ASPM: variants seen among roughly 807,000 people sequenced by gnomAD.
ASPM encodes abnormal spindle-like microcephaly-associated protein.
Under a neutral mutation model 366.4 loss-of-function variants are expected in ASPM, and 256 were observed. The observed-to-expected ratio is 0.70, with a 90% CI of 0.63 to 0.77. The LOEUF is 0.77. ASPM is among the 30% of genes least tolerant of loss of function. ASPM has a pLI of 0.00. For missense variants in ASPM, 4,146 were observed against 4,090.4 expected, an observed-to-expected ratio of 1.01 and a Z score of -0.37; for synonymous variants, 1,414 against 1,342.9, an observed-to-expected ratio of 1.05 and a Z score of -1.16.
At chr1:197,106,160 G>A (rs1429117610) in intron 17 of ASPM, among the ~76,000 whole-genome samples, 3 of 151,976 alleles carry the variant, frequency 2.0e-5, no homozygotes, top group Non-Finnish European at 4.4e-5. Context: ...GGAAGCTTAA[G>A]GAGAACATGC....
In ASPM at chr1:197,103,203, T is replaced by C. The variant is rs748691404; in HGVS notation, c.6048A>G (p.Leu2016=). 14 of 1,612,604 alleles carry C rather than the reference T, an allele frequency of 8.7e-6. No homozygotes were observed. Among genetic ancestry groups the C allele is most frequent in the Non-Finnish European group, 1.2e-5 (14 of 1,179,374 alleles). Residue 2016 remains leucine (L), a synonymous_variant, in exon 18 of 28, where the codon TTA becomes TTG. Coordinates refer to ENST00000367409, the MANE Select transcript of ASPM (RefSeq NM_018136.5). ...CTACAGCTGCTTTTGTTTTCAAATA[T>C]AAATGATTCTGTTCTCTTCCAATAC... ...AYSIGREQNH[L]YLKTKAAVVT...
intron 19 of ASPM, 63 bp from the exon 20 acceptor site, chr1:197,094,243 G>T: frequency 1.1e-6 from 1 of 948,032 alleles, no homozygotes; most frequent in Non-Finnish European, 1.7e-6. Context: ...AGTATTTATT[G>T]CCTCCCCCCC....
chr1:197,117,653 G>A (rs1428246834), intron 17 of ASPM, 136 bp downstream of exon 17: 1 of 771,832 alleles, frequency 1.3e-6, no homozygotes, highest in Non-Finnish European at 2.1e-6. Flanking sequence ...TTTTCAGGTA[G>A]TAAATATTTG....
At chr1:197,107,662 C>T (rs1027684496) in intron 17 of ASPM, among the ~76,000 whole-genome samples, 1 of 151,902 alleles carries the variant, frequency 6.6e-6, no homozygotes, top group Non-Finnish European at 1.5e-5. Context: ...AGTAAAAATG[C>T]TACAACAAGT....
chr1:197,114,589 A>C (rs1195401511), intron 17 of ASPM, among the ~76,000 whole-genome samples: 1 of 152,012 alleles, frequency 6.6e-6, no homozygotes, highest in African/African-American at 2.4e-5. Flanking sequence ...ATTTTTTTTT[A>C]AACAGTTAGG....
chr1:197,102,904 A>G lies in ASPM; in HGVS notation c.6347T>C (p.Met2116Thr). The change falls in exon 18 of 28, where the codon ATG becomes ACG. Residue 2116 changes from methionine to threonine, a missense_variant. Physicochemically the swap from Met to Thr is moderately conservative, Grantham distance 81. This residue lies in a region of ASPM where 3,624 missense variants were observed against 3,591.7 expected (regional missense o/e 1.01). Transcript: ENST00000367409. The part of the protein sequence containing the change: ...GIRVRRHIQH[M>T]HRAATFIKAM... ...TTTAATAAAAGTGGCTGCCCTGTGC[A>G]TGTGTTGAATATGTCTTCTAACTCT... 1 of 1,612,750 alleles carries G rather than the reference A, an allele frequency of 6.2e-7. No individual in the cohort carries two copies.
chr1:197,086,814 T>G lies in ASPM; in HGVS notation c.10320A>C (p.Arg3440Ser). ...ATTTAATTGCTTACCTTGAAACTAT[T>G]CTGGTCCTTACAGGTGTTTCTGGGA... ...PFIPETPVRT[R>S]IVSRLKPDWV... Residue 3440 changes from arginine (R) to serine (S), a missense_variant, in exon 27 of 28, where the codon AGA becomes AGC. This residue lies in a region of ASPM where 3,624 missense variants were observed against 3,591.7 expected (regional missense o/e 1.01). Transcript: ENST00000367409. 6.2e-7 allele frequency: 1 copy of G among 1,608,202 alleles called. No individual in the cohort carries two copies. The highest frequency in any genetic ancestry group is 1.1e-5 in the South Asian group (1 of 90,954).
chr1:197,101,060 C>A lies in ASPM; in HGVS notation c.8191G>T (p.Glu2731Ter), dbSNP rs2125093662. The change falls in exon 18 of 28, where the codon GAA (glutamate) becomes TAA (stop). Residue 2731 changes from glutamate to a stop codon, truncating the protein, a stop_gained. Transcript: ENST00000367409. LOFTEE classifies it high-confidence loss of function. ...YYRLYVRVKT[E>*]RKNFLAVQKS... Reference sequence around the variant, plus strand: ...TGAACTGCTAAAAAGTTTTTTCTTTCTGTTTTTACTCTAACATACAACCTA... The same window carrying A: ...TGAACTGCTAAAAAGTTTTTTCTTTATGTTTTTACTCTAACATACAACCTA... 6.2e-7 allele frequency: 1 copy of A among 1,611,204 alleles called. No individual in the cohort carries two copies. The highest frequency in any genetic ancestry group is 1.1e-5 in the South Asian group (1 of 90,952).
intron 16 of ASPM, 31 bp from the exon 17 acceptor site, chr1:197,118,014 A>G: frequency 6.4e-7 from 1 of 1,574,170 alleles, no homozygotes; most frequent in South Asian, 1.1e-5. Context: ...AATGTAAATT[A>G]AACACTCACT....
In ASPM at chr1:197,142,371, A is replaced by C; in HGVS notation, c.1881T>G (p.Arg627=). 2 of 1,613,896 alleles carry C rather than the reference A, an allele frequency of 1.2e-6. No individual in the cohort carries two copies. The highest frequency in any genetic ancestry group is 1.7e-6 in the Non-Finnish European group (2 of 1,179,818). Residue 627 remains arginine (R), a synonymous_variant, in exon 3 of 28, where the codon CGT becomes CGG. Coordinates refer to ENST00000367409, the MANE Select transcript of ASPM (RefSeq NM_018136.5). ...GGTTTAATTTCTCTCTGTTGCTAAT[A>C]CGTTTTGAGATGGGTGTTGTCACAT... ...TKNVTTPISK[R]ISNREKLNLK...
intron 13 of ASPM, among the ~76,000 whole-genome samples, chr1:197,123,255 CA>C (rs1228174589): frequency 6.6e-6 from 1 of 152,038 alleles, no homozygotes; most frequent in Non-Finnish European, 1.5e-5. Flanking sequence ...CAAAAAAGTA[CA>C]ATGCTAAATA....
In ASPM at chr1:197,084,217, A is replaced by T. The variant is rs900745769; in HGVS notation, c.*107T>A. On this transcript the variant is annotated 3_prime_UTR_variant, in exon 28 of 28. Transcript: ENST00000367409. ...TGAACAGTTTATGTTTTTTTAAAAC[A>T]AAGTCAGATTTTAAAAGTTGTACAC... 4.7e-5 allele frequency: 37 copies of T among 791,518 alleles called. No homozygotes were observed. Among genetic ancestry groups the T allele is most frequent in the Admixed American group, 9.2e-5 (4 of 43,626 alleles). The allele number at this position is 791,518 out of a possible 1,614,324, so 49.0% of individuals were successfully genotyped here.
chr1:197,086,543 C>G (rs1225865243), intron 27 of ASPM, among the ~76,000 whole-genome samples: 1 of 152,122 alleles, frequency 6.6e-6, no homozygotes, highest in East Asian at 1.9e-4. Context: ...AAACTTATAA[C>G]AAGCTTCTTA....
intron 7 of ASPM, among the ~76,000 whole-genome samples, chr1:197,131,917 C>T (rs564074583): frequency 6.6e-6 from 1 of 152,106 alleles, no homozygotes; most frequent in Non-Finnish European, 1.5e-5. Context: ...AATAATAATA[C>T]ATACTTCACT....
chr1:197,142,568 C>T lies in ASPM; in HGVS notation c.1684G>A (p.Val562Ile), dbSNP rs1203356336. Residue 562 changes from valine (V) to isoleucine (I), a missense_variant, in exon 3 of 28, where the codon GTA becomes ATA. Physicochemically the swap from Val to Ile is conservative, Grantham distance 29. This residue lies in a region of ASPM where 3,624 missense variants were observed against 3,591.7 expected (regional missense o/e 1.01). Transcript: ENST00000367409. ...LSKSKSYKNEVTPSSTTASVA... is the reference protein window; with the variant it reads ...LSKSKSYKNEITPSSTTASVA... ...GAAGCTGTTGTCGAAGAGGGTGTTA[C>T]CTCGTTTTTATAACTCTTAGATTTA... 1.9e-6 allele frequency: 3 copies of T among 1,613,890 alleles called. No homozygotes were observed. Among genetic ancestry groups the T allele is most frequent in the Admixed American group, 1.7e-5 (1 of 60,004 alleles).
intron 18 of ASPM, 46 bp from the exon 19 acceptor site, chr1:197,096,210 T>C: frequency 1.3e-6 from 2 of 1,489,880 alleles, no homozygotes; most frequent in Non-Finnish European, 1.9e-6. Context: ...GTTGTCTCTT[T>C]TTTTTTGTAA....
chr1:197,094,269 G>A (rs1022024704), intron 19 of ASPM, 89 bp from the exon 20 acceptor site: 1 of 785,906 alleles, frequency 1.3e-6, no homozygotes, highest in Admixed American at 2.2e-5. Flanking sequence ...AATATTAGAA[G>A]AGAATAAAAT....
At position 197,092,999 on chromosome 1, in the gene ASPM, C is replaced by T. The variant is rs185289429; in HGVS notation, c.9294+53G>A. ...TCCAAAGTTTCTTAACACTATTTAA[C>T]ATCAAGTGCTTTCATTTTATAAGAA... is the stretch of plus-strand genomic sequence containing the variant. On this transcript the variant is annotated intron_variant, in intron 21 of 27. Coordinates refer to ENST00000367409, the MANE Select transcript of ASPM (RefSeq NM_018136.5). 69 of 1,438,192 alleles carry T rather than the reference C, an allele frequency of 4.8e-5. No homozygotes were observed. In the East Asian group the frequency reaches 1.5e-3, roughly 32 times the overall value. 89.1% of individuals were successfully genotyped at this position (1,438,192 alleles called of 1,614,324 possible). A position where few individuals can be genotyped will look rare whatever the true frequency, so the allele number is the denominator to read the frequency against.
In ASPM at chr1:197,146,429, G is replaced by C; in HGVS notation, c.9C>G (p.Asn3Lys). 7 of 1,607,862 alleles carry C rather than the reference G, an allele frequency of 4.4e-6. No homozygotes were observed. The highest frequency in any genetic ancestry group is 5.9e-6 in the Non-Finnish European group (7 of 1,179,520). The change falls in exon 1 of 28, where the codon AAC becomes AAG. Residue 3 changes from asparagine to lysine, a missense_variant. Asn to Lys is a moderately conservative substitution (Grantham distance 94). This residue lies in a region of ASPM where 512 missense variants were observed against 471.7 expected (regional missense o/e 1.09). Coordinates refer to ENST00000367409, the MANE Select transcript of ASPM (RefSeq NM_018136.5). ...CCCAGCAGCCTCGCCCCACTCGCCGGTTCGCCATGGCAGATTCGAGACCCC... is the reference window on the plus strand; with the variant it reads ...CCCAGCAGCCTCGCCCCACTCGCCGCTTCGCCATGGCAGATTCGAGACCCC... MA[N>K]RRVGRGCWEV...
Sources: allele counts gnomAD v4.1 joint callset (sites outside exome capture counted in the v4.1 genomes callset), GRCh38; gene constraint gnomAD v4.1.1; regional missense constraint gnomAD v4.1.1; transcripts MANE v1.5; gene names NCBI Gene and HGNC (gene_info 2026-07-23, HGNC 2026-07-21).